The following TBC1D4 variants were observed in gnomAD, a reference collection of about 807,000 sequenced individuals.
The protein encoded by TBC1D4 is TBC1 domain family member 4, also known as TBC (Tre-2, BUB2, CDC16) domain-containing protein.
In TBC1D4, 121 loss-of-function variants were observed where a neutral mutation model predicts 142.5. That is an observed-to-expected ratio of 0.85 (90% CI 0.73 to 0.99). TBC1D4 has a LOEUF of 0.99. Ranked by LOEUF, TBC1D4 falls within the 50% of genes least tolerant of loss-of-function variation. The probability of loss-of-function intolerance (pLI) is 0.00; values close to 1 mark genes in which losing one functional copy is unlikely to be tolerated. For synonymous variants in TBC1D4, 630 were observed against 628.2 expected, an observed-to-expected ratio of 1.00 and a Z score of -0.04; for missense variants, 1,475 against 1,606.6, an observed-to-expected ratio of 0.92 and a Z score of 1.40.
At position 75,362,168 on chromosome 13, in the gene TBC1D4, C is replaced by A. The variant is rs1389108674; in HGVS notation, c.938G>T (p.Arg313Leu). ...GCCGGTGACACTGCTGCACCGAGACCGAAACTCCTGCTGCTCATCAAAGCC... is the reference window on the plus strand; with the variant it reads ...GCCGGTGACACTGCTGCACCGAGACAGAAACTCCTGCTGCTCATCAAAGCC... The part of the protein sequence containing the change: ...DSGFDEQQEF[R>L]SRCSSVTGVQ... The change falls in exon 2 of 21, where the codon CGG becomes CTG. Residue 313 changes from arginine to leucine, a missense_variant. By Grantham distance (102) the Arg-to-Leu change is moderately radical (BLOSUM62 -2). Around this residue, in one of 2 missense-constraint regions of TBC1D4, gnomAD observed 1,227 missense variants for 1,267.7 expected, o/e 0.97. Transcript: ENST00000377636. This position sits in a 1 kb window ranked among gnomAD's most constrained non-coding sequence, Gnocchi z 4.2. 1.2e-5 allele frequency: 20 copies of A among 1,613,578 alleles called. No individual in the cohort carries two copies. Among genetic ancestry groups the A allele is most frequent in the Non-Finnish European group, 1.6e-5 (19 of 1,180,010 alleles).
Position 75,426,971 on chromosome 13 carries a change from C to G in TBC1D4, c.498+54299G>C, listed in dbSNP as rs1004990524. ...GGCTGAGGTGGGATGACTGCTTGAGCCTGAGAGTTCAAGGCTGCAGTCAGC... is the reference window on the plus strand; with the variant it reads ...GGCTGAGGTGGGATGACTGCTTGAGGCTGAGAGTTCAAGGCTGCAGTCAGC... On this transcript the variant is annotated intron_variant, in intron 1 of 20. Transcript: ENST00000377636. 4.6e-5 allele frequency among the ~76,000 whole-genome samples: 7 copies of G among 152,108 alleles called. No homozygotes were observed. The East Asian group carries it at 1.2e-3, about 25-fold the overall frequency.
In TBC1D4 at chr13:75,480,879, A is replaced by G. The variant is rs564249709; in HGVS notation, c.498+391T>C. On this transcript the variant is annotated intron_variant, in intron 1 of 20. Transcript: ENST00000377636. ...CACGCGCTCGCGCGCACACGCACGC[A>G]CACACACACACACACACACACACAC... is the stretch of plus-strand genomic sequence containing the variant. Among the ~76,000 whole-genome samples, 63 of 98,276 alleles carry G rather than the reference A, an allele frequency of 6.4e-4. No individual in the cohort carries two copies. The East Asian group carries it at 8.5e-3, about 13-fold the overall frequency. 64.5% of individuals were successfully genotyped at this position (98,276 alleles called of 152,430 possible). A position where few individuals can be genotyped will look rare whatever the true frequency, so the allele number is the denominator to read the frequency against.
Position 75,299,424 on chromosome 13 carries a change from T to C in TBC1D4, c.3062A>G (p.His1021Arg). Reference sequence around the variant, plus strand: ...TTCAAAGGCTTGCTCTTCACTCATGTGCAGAAGCAGGACTCCAGCCACAAA... The same window carrying C: ...TTCAAAGGCTTGCTCTTCACTCATGCGCAGAAGCAGGACTCCAGCCACAAA... ...ISFVAGVLLL[H>R]MSEEQAFEML... is the part of the protein sequence containing the mutation. Residue 1021 changes from histidine (H) to arginine (R), a missense_variant, in exon 17 of 21, where the codon CAC becomes CGC. Physicochemically the swap from His to Arg is conservative, Grantham distance 29. Coordinates refer to ENST00000377636, the MANE Select transcript of TBC1D4 (RefSeq NM_014832.5). The C allele has an allele frequency of 1.2e-6, 2 of 1,614,170 alleles. No individual in the cohort carries two copies. Among genetic ancestry groups the C allele is most frequent in the South Asian group, 2.2e-5 (2 of 91,084 alleles).
At chr13:75,306,618 G>C in intron 14 of TBC1D4, 147 bp from the exon 15 acceptor site, 1 of 941,538 alleles carries the variant, frequency 1.1e-6, no homozygotes, top group South Asian at 1.7e-5. Context: ...AACAAATTGA[G>C]GATACATGAA....
At chr13:75,375,383 A>G (rs954240255) in intron 1 of TBC1D4, 2 of 152,202 alleles carry the variant, frequency 1.3e-5, no homozygotes, top group Non-Finnish European at 2.9e-5. Flanking sequence ...TCTAACCAGT[A>G]CACAACTCTG....
rs968705273 is a variant in TBC1D4 at position 75,294,982 on chromosome 13, T to C, written c.3188A>G (p.His1063Arg). ...IQMYQLSRLL[H>R]DYHRDLYNHL... ...ATTGTAGAGATCTCTGTGATAGTCA[T>C]GAAGGAGCCTGGACAGCTGGTACAT... Residue 1063 changes from histidine to arginine, a missense_variant, in exon 18 of 21, where the codon CAT becomes CGT. This residue lies in a region of TBC1D4 where 248 missense variants were observed against 338.9 expected (regional missense o/e 0.73). Transcript: ENST00000377636. 2 of 1,613,768 alleles carry C rather than the reference T, an allele frequency of 1.2e-6. No individual in the cohort carries two copies. The highest frequency in any genetic ancestry group is 8.5e-7 in the Non-Finnish European group (1 of 1,179,832).
chr13:75,457,681 G>A (rs1887794552), intron 1 of TBC1D4, among the ~76,000 whole-genome samples: 1 of 152,166 alleles, frequency 6.6e-6, no homozygotes, highest in South Asian at 2.1e-4. Flanking sequence ...ATCCCAAACT[G>A]CCTAATCACA....
intron 1 of TBC1D4, among the ~76,000 whole-genome samples, chr13:75,410,130 TGTA>T: frequency 6.6e-6 from 1 of 152,342 alleles, no homozygotes; most frequent in South Asian, 2.1e-4. Context: ...TAAATAACGG[TGTA>T]TGCTCATGAT....
chr13:75,443,071 T>C (rs1333982345), intron 1 of TBC1D4, among the ~76,000 whole-genome samples: 1 of 152,202 alleles, frequency 6.6e-6, no homozygotes, highest in African/African-American at 2.4e-5. Flanking sequence ...TTATCGTAGC[T>C]CCTCTGGGCT....
chr13:75,404,037 G>C (rs1415337760), intron 1 of TBC1D4, among the ~76,000 whole-genome samples: 3 of 124,866 alleles, frequency 2.4e-5, no homozygotes, highest in Non-Finnish European at 4.9e-5. Context: ...ATTAGAATAG[G>C]CTTTTGTAGG....
At chr13:75,422,712 A>G (rs546817610) in intron 1 of TBC1D4, among the ~76,000 whole-genome samples, 12 of 152,210 alleles carry the variant, frequency 7.9e-5, no homozygotes, top group African/African-American at 1.7e-4. Flanking sequence ...GATAATATCA[A>G]TGAAACCTTT....
chr13:75,408,830 G>T (rs1885461835), intron 1 of TBC1D4, among the ~76,000 whole-genome samples: 1 of 152,182 alleles, frequency 6.6e-6, no homozygotes, highest in East Asian at 1.9e-4. Context: ...GAATGATGTT[G>T]AGCATTTTTA....
chr13:75,302,306 T>C lies in TBC1D4; in HGVS notation c.2848A>G (p.Ile950Val), dbSNP rs761441967. The C allele has an allele frequency of 3.7e-6, 6 of 1,614,228 alleles. No homozygotes were observed. The highest frequency in any genetic ancestry group is 3.3e-5 in the Admixed American group (2 of 60,032). ...RLPNKQQPPD[I>V]SYKELLKQLT... ...TGCTTCAAAAGTTCCTTATAGGATA[T>C]GTCAGGAGGCTGTTGTTTATTAGGC... The change falls in exon 16 of 21, where the codon ATA (isoleucine) becomes GTA (valine). Residue 950 changes from isoleucine (I) to valine (V), a missense_variant. Ile to Val is a conservative substitution (Grantham distance 29). Transcript: ENST00000377636.
At chr13:75,409,974 G>C (rs898172602) in intron 1 of TBC1D4, among the ~76,000 whole-genome samples, 3 of 152,228 alleles carry the variant, frequency 2.0e-5, no homozygotes, top group Middle Eastern at 3.4e-3. Context: ...GATTTCCCCA[G>C]CTTTCAGATT....
chr13:75,382,063 C>G (rs1883885598), intron 1 of TBC1D4, among the ~76,000 whole-genome samples: 1 of 150,362 alleles, frequency 6.7e-6, no homozygotes, highest in African/African-American at 2.5e-5. Flanking sequence ...ATCTCCAGCA[C>G]TTTTCTACTT....
intron 19 of TBC1D4, among the ~76,000 whole-genome samples, chr13:75,291,825 A>G (rs1405173548): frequency 6.6e-6 from 1 of 152,188 alleles, no homozygotes; most frequent in Non-Finnish European, 1.5e-5. Context: ...TTTTATTCTC[A>G]GGCCTTCTTG....
Position 75,288,965 on chromosome 13 carries a change from C to T in TBC1D4, c.3632G>A (p.Arg1211Lys), listed in dbSNP as rs1265510729. 6.2e-7 allele frequency: 1 copy of T among 1,613,614 alleles called. No individual in the cohort carries two copies. The highest frequency in any genetic ancestry group is 8.5e-7 in the Non-Finnish European group (1 of 1,179,836). The change falls in exon 20 of 21, where the codon AGA becomes AAA. Residue 1211 changes from arginine to lysine, a missense_variant. Coordinates refer to ENST00000377636, the MANE Select transcript of TBC1D4 (RefSeq NM_014832.5). ...KLERANSQLK[R>K]QNMDLLEKLQ... The stretch of plus-strand genomic sequence containing the variant: ...TTTTTCTAGGAGGTCCATGTTTTGT[C>T]TTTTCAGTTGGCTATTGGCCCTCTC...
At chr13:75,364,539 T>C (rs1332382207) in intron 1 of TBC1D4, among the ~76,000 whole-genome samples, 6 of 152,244 alleles carry the variant, frequency 3.9e-5, no homozygotes, top group Non-Finnish European at 7.3e-5. Context: ...TGTGCTAACA[T>C]GTGACTAGCA....
chr13:75,467,363 C>A (rs774600627), intron 1 of TBC1D4, among the ~76,000 whole-genome samples: 2 of 152,120 alleles, frequency 1.3e-5, no homozygotes, highest in African/African-American at 4.8e-5. Flanking sequence ...TAATGGAAAG[C>A]GGGTTTCCAA....
Sources: allele counts gnomAD v4.1 joint callset (sites outside exome capture counted in the v4.1 genomes callset), GRCh38; gene constraint gnomAD v4.1.1; regional missense constraint gnomAD v4.1.1; non-coding constraint Gnocchi (gnomAD v3.1); transcripts MANE v1.5; gene names NCBI Gene and HGNC (gene_info 2026-07-23, HGNC 2026-07-21).